Variants in FRMD4A observed in about 807,000 individuals in gnomAD.
The protein encoded by FRMD4A is FERM domain-containing protein 4A.
A neutral mutation model predicts 129.1 loss-of-function variants in FRMD4A; 29 were observed. That is an observed-to-expected ratio of 0.22 (90% CI 0.17 to 0.31). The LOEUF is 0.31. Among genes scored for constraint, FRMD4A ranks in the 10% least tolerant of loss-of-function variants. The probability of loss-of-function intolerance (pLI) is 1.00; values close to 1 mark genes in which losing one functional copy is unlikely to be tolerated. For synonymous variants in FRMD4A, 634 were observed against 571.6 expected (o/e 1.11, Z -1.56); for missense variants, 1,272 against 1,375.8 (o/e 0.92, Z 1.19).
At chr10:14,038,566 G>T (rs180907216) in intron 2 of FRMD4A, among the ~76,000 whole-genome samples, 1 of 152,276 alleles carries the variant, frequency 6.6e-6, no homozygotes, top group East Asian at 1.9e-4. Flanking sequence ...AAAGACTCAA[G>T]ACCATGACAC....
intron 3 of FRMD4A, among the ~76,000 whole-genome samples, chr10:13,815,594 G>A (rs1367416433): frequency 2.6e-5 from 4 of 152,112 alleles, no homozygotes; most frequent in Admixed American, 2.6e-4. Flanking sequence ...GGAAAAAGGG[G>A]GAAAGGAGGT....
chr10:14,329,942 T>A (rs184022109), intron 2 of FRMD4A, 116 bp downstream of exon 2: 2 of 944,806 alleles, frequency 2.1e-6, no homozygotes, highest in African/African-American at 3.2e-5. Context: ...GCCTGCGGGA[T>A]AAAGCGGAGC....
At chr10:14,268,379 T>TAA (rs1023219231) in intron 2 of FRMD4A, among the ~76,000 whole-genome samples, 17 of 152,262 alleles carry the variant, frequency 1.1e-4, no homozygotes, top group African/African-American at 4.1e-4. Context: ...TTTCTTTTTA[T>TAA]AAATGTCATT....
intron 12 of FRMD4A, among the ~76,000 whole-genome samples, chr10:13,737,200 A>C (rs534336286): frequency 1.2e-3 from 182 of 152,238 alleles, no homozygotes; most frequent in Non-Finnish European, 1.6e-3. Flanking sequence ...AGCGATTCTC[A>C]TGCCTCAGCC....
At chr10:13,875,720 G>C (rs552502801) in intron 2 of FRMD4A, among the ~76,000 whole-genome samples, 1 of 152,190 alleles carries the variant, frequency 6.6e-6, no homozygotes, top group Admixed American at 6.5e-5. Flanking sequence ...CCAGAAACCA[G>C]TACTTCCCAG....
At chr10:14,032,119 A>T (rs1449012506) in intron 2 of FRMD4A, among the ~76,000 whole-genome samples, 1 of 152,210 alleles carries the variant, frequency 6.6e-6, no homozygotes, top group African/African-American at 2.4e-5. Flanking sequence ...ACAAGTATTT[A>T]AAAATACTCC....
chr10:14,007,994 A>G (rs1156954817), intron 2 of FRMD4A: 1 of 1,283,256 alleles, frequency 7.8e-7, no homozygotes, highest in Non-Finnish European at 1.0e-6. Context: ...CGCGGTATAC[A>G]ATGAAAACAA....
At chr10:13,704,318 C>G (rs553987539) in intron 13 of FRMD4A, among the ~76,000 whole-genome samples, 1 of 152,190 alleles carries the variant, frequency 6.6e-6, no homozygotes, top group Non-Finnish European at 1.5e-5. Flanking sequence ...CTCCCTGGGC[C>G]TCTCCCCCAT....
At chr10:13,994,325 G>A (rs989793598) in intron 2 of FRMD4A, among the ~76,000 whole-genome samples, 15 of 151,886 alleles carry the variant, frequency 9.9e-5, no homozygotes, top group East Asian at 3.9e-4. Flanking sequence ...GACTACAGGC[G>A]TGCCCCACCA....
intron 2 of FRMD4A, among the ~76,000 whole-genome samples, chr10:14,066,681 G>A (rs1460347301): frequency 1.3e-5 from 2 of 152,034 alleles, no homozygotes; most frequent in Non-Finnish European, 2.9e-5. Context: ...GACTAAGAAG[G>A]TCAAAGCAGA....
chr10:13,973,024 T>A (rs145420558), intron 2 of FRMD4A, among the ~76,000 whole-genome samples: 32 of 152,374 alleles, frequency 2.1e-4, no homozygotes, highest in African/African-American at 7.5e-4. Flanking sequence ...AACCTCAGTT[T>A]GAATTTGGCT....
intron 2 of FRMD4A, among the ~76,000 whole-genome samples, chr10:14,289,825 T>G (rs1455639326): frequency 6.6e-6 from 1 of 152,060 alleles, no homozygotes; most frequent in African/African-American, 2.4e-5. Flanking sequence ...TTACTACTGT[T>G]TCCAGATGAT....
intron 2 of FRMD4A, among the ~76,000 whole-genome samples, chr10:14,169,434 C>G (rs1281709576): frequency 6.6e-6 from 1 of 152,206 alleles, no homozygotes; most frequent in African/African-American, 2.4e-5. Flanking sequence ...GCCCAGAGCA[C>G]ACACACCCTT....
chr10:14,267,569 G>A (rs1482323013), intron 2 of FRMD4A, among the ~76,000 whole-genome samples: 4 of 152,124 alleles, frequency 2.6e-5, no homozygotes, highest in Non-Finnish European at 4.4e-5. Context: ...TTTATATATA[G>A]AATGGACTAT....
chr10:13,869,731 C>T (rs2094418186), intron 2 of FRMD4A, among the ~76,000 whole-genome samples: 1 of 152,222 alleles, frequency 6.6e-6, no homozygotes, highest in African/African-American at 2.4e-5. Context: ...GAACCTGTTT[C>T]CTCCTAGGTT....
intron 2 of FRMD4A, among the ~76,000 whole-genome samples, chr10:14,189,531 A>C (rs990040046): frequency 1.3e-5 from 2 of 152,098 alleles, no homozygotes; most frequent in African/African-American, 4.8e-5. Flanking sequence ...CTGAGATTGC[A>C]CCATTGCACT....
At chr10:14,038,935 C>A (rs1305214485) in intron 2 of FRMD4A, among the ~76,000 whole-genome samples, 1 of 152,200 alleles carries the variant, frequency 6.6e-6, no homozygotes, top group African/African-American at 2.4e-5. Flanking sequence ...TAATATCAAC[C>A]TTCAGGACAC....
chr10:13,941,828 T>G (rs1319639106), intron 2 of FRMD4A, among the ~76,000 whole-genome samples: 1 of 152,186 alleles, frequency 6.6e-6, no homozygotes, highest in Non-Finnish European at 1.5e-5. Flanking sequence ...ACAGAAAGTC[T>G]TAGAGAGAAG....
chr10:13,673,345 T>A (rs1004770705), intron 16 of FRMD4A, among the ~76,000 whole-genome samples: 1 of 152,220 alleles, frequency 6.6e-6, no homozygotes, highest in East Asian at 1.9e-4. Flanking sequence ...CAAGTTGAAA[T>A]GTAATGTGAT....
Sources: gnomAD v4.1 joint callset for allele counts (sites outside exome capture counted in the v4.1 genomes callset) on GRCh38, gnomAD v4.1.1 for gene constraint, MANE v1.5 for transcripts, NCBI Gene and HGNC (gene_info 2026-07-23, HGNC 2026-07-21) for gene names.